DCN: variants seen among roughly 807,000 people sequenced by gnomAD.
DCN encodes bone proteoglycan II.
DCN carries 17 observed loss-of-function variants against 36.5 expected under a neutral mutation model. That is an observed-to-expected ratio of 0.47 (90% CI 0.32 to 0.70). The LOEUF is 0.70. Among genes scored for constraint, DCN ranks in the 30% least tolerant of loss-of-function variants. The pLI is 0.04. For missense variants in DCN, 389 were observed against 430.1 expected (o/e 0.90, Z 0.84); for synonymous variants, 163 against 161.4 (o/e 1.01, Z -0.07).
At chr12:91,148,086 T>C (rs1156823981) in intron 7 of DCN, among the ~76,000 whole-genome samples, 3 of 151,786 alleles carry the variant, frequency 2.0e-5, no homozygotes, top group African/African-American at 7.3e-5. Context: ...TTTTTTTTTT[T>C]TTTCTGAGAC....
In DCN at chr12:91,158,512, G is replaced by A. The variant is rs1317852445; in HGVS notation, c.325-3C>T. ...TTATTGTTGACAAGAATCAATGCCTGTAGATAGTGAAGAAAAACATCTCTT... is the reference window on the plus strand; with the variant it reads ...TTATTGTTGACAAGAATCAATGCCTATAGATAGTGAAGAAAAACATCTCTT... On this transcript the variant is annotated splice_polypyrimidine_tract_variant and splice_region_variant and intron_variant, in intron 3 of 7. Transcript: ENST00000052754. The A allele has an allele frequency of 3.3e-5, 49 of 1,471,340 alleles. No individual in the cohort carries two copies. The highest frequency in any genetic ancestry group is 4.6e-5 in the Non-Finnish European group (48 of 1,050,012). 91.1% of individuals were successfully genotyped at this position (1,471,340 alleles called of 1,614,324 possible).
At chr12:91,157,007 A>ATT (rs60125162) in intron 5 of DCN, 68 bp downstream of exon 5, 25 of 983,450 alleles carry the variant, frequency 2.5e-5, no homozygotes, top group African/African-American at 9.9e-5. Flanking sequence ...TTTCCACAAG[A>ATT]TTTTTTTTTT....
chr12:91,175,381 T>C lies in DCN; in HGVS notation c.211+2961A>G, dbSNP rs1883230161. On this transcript the variant is annotated intron_variant, in intron 2 of 7. Coordinates refer to ENST00000052754, the MANE Select transcript of DCN (RefSeq NM_001920.5). ...ACGTGTTAATACTACTGTGATAAAT[T>C]AGAATTAGGGACTAAAACAGTCCAT... The C allele has an allele frequency of 2.0e-5, 3 of 151,626 alleles. No individual in the cohort carries two copies. In the South Asian group the frequency reaches 6.2e-4, roughly 32 times the overall value. The allele number at this position is 151,626 out of a possible 1,614,324, so 9.4% of individuals were successfully genotyped here. A position where few individuals can be genotyped will look rare whatever the true frequency, so the allele number is the denominator to read the frequency against.
chr12:91,178,917 C>T (rs995348399), intron 1 of DCN, among the ~76,000 whole-genome samples: 2 of 152,118 alleles, frequency 1.3e-5, no homozygotes, highest in Admixed American at 1.3e-4. Flanking sequence ...TCAATGCTCA[C>T]TTAACACATG....
At chr12:91,164,949 C>T (rs1056785872) in intron 2 of DCN, among the ~76,000 whole-genome samples, 2 of 152,080 alleles carry the variant, frequency 1.3e-5, no homozygotes, top group Admixed American at 1.3e-4. Context: ...TGATATTTTC[C>T]TCATGGAATT....
chr12:91,168,297 A>G (rs533577630), intron 2 of DCN, among the ~76,000 whole-genome samples: 1 of 152,254 alleles, frequency 6.6e-6, no homozygotes, highest in East Asian at 1.9e-4. Context: ...CCATTCTAAC[A>G]ATCCCTTGAA....
intron 2 of DCN, chr12:91,176,784 T>C (rs1345619296): frequency 6.6e-6 from 1 of 152,188 alleles, no homozygotes; most frequent in Non-Finnish European, 1.5e-5. Flanking sequence ...AAGTGAAATT[T>C]AATTCGCATT....
intron 7 of DCN, among the ~76,000 whole-genome samples, chr12:91,146,510 C>CT (rs1881035235): frequency 6.6e-6 from 1 of 151,926 alleles, no homozygotes; most frequent in African/African-American, 2.4e-5. Context: ...GCACACACAC[C>CT]ATGCCCGGCT....
At chr12:91,160,422 A>G (rs1882085889) in intron 3 of DCN, among the ~76,000 whole-genome samples, 1 of 151,992 alleles carries the variant, frequency 6.6e-6, no homozygotes, top group Non-Finnish European at 1.5e-5. Flanking sequence ...TTTTCTCCAA[A>G]GCCATTTATG....
intron 2 of DCN, chr12:91,176,232 C>CA (rs1883279979): frequency 6.6e-6 from 1 of 151,764 alleles, no homozygotes; most frequent in African/African-American, 2.4e-5. Context: ...TGCATGAGAC[C>CA]ACTGCTCATT....
At chr12:91,178,621 C>T in intron 1 of DCN, 36 bp from the exon 2 acceptor site, 1 of 1,279,874 alleles carries the variant, frequency 7.8e-7, no homozygotes, top group Non-Finnish European at 1.1e-6. Context: ...AAGAGTAGCA[C>T]TGCCTAATCT....
chr12:91,163,213 T>C (rs1458150492), intron 3 of DCN, among the ~76,000 whole-genome samples: 2 of 152,240 alleles, frequency 1.3e-5, no homozygotes, highest in Non-Finnish European at 2.9e-5. Context: ...AAACAATGCA[T>C]TTACTGTTAC....
In DCN at chr12:91,143,514, T is replaced by A. The variant is rs1227161317; in HGVS notation, c.*2544A>T. ...ACATAAGAATTTCCCTTGAAATGAT[T>A]ATAGCTCGAACTGTGTGCCTGTAAT... On this transcript the variant is annotated 3_prime_UTR_variant, in exon 8 of 8. Transcript: ENST00000052754. 1.3e-5 allele frequency: 2 copies of A among 152,156 alleles called. No individual in the cohort carries two copies. The highest frequency in any genetic ancestry group is 1.5e-5 in the Non-Finnish European group (1 of 68,024). 9.4% of individuals were successfully genotyped at this position (152,156 alleles called of 1,614,324 possible). A position where few individuals can be genotyped will look rare whatever the true frequency, so the allele number is the denominator to read the frequency against.
At chr12:91,160,686 T>G (rs1206891955) in intron 3 of DCN, among the ~76,000 whole-genome samples, 1 of 152,144 alleles carries the variant, frequency 6.6e-6, no homozygotes, top group South Asian at 2.1e-4. Context: ...GTACTAAGAA[T>G]AGTGCCTAGT....
chr12:91,170,074 A>G (rs955145980), intron 2 of DCN, among the ~76,000 whole-genome samples: 13 of 151,776 alleles, frequency 8.6e-5, no homozygotes, highest in African/African-American at 1.7e-4. Context: ...AAAAAAAAAA[A>G]AAAAGAAAAA....
intron 2 of DCN, among the ~76,000 whole-genome samples, chr12:91,171,354 G>A (rs1882941909): frequency 6.6e-6 from 1 of 152,092 alleles, no homozygotes; most frequent in African/African-American, 2.4e-5. Context: ...GTATATAAAT[G>A]TAAGTAAATA....
chr12:91,169,214 T>A (rs1321136070), intron 2 of DCN, among the ~76,000 whole-genome samples: 1 of 151,440 alleles, frequency 6.6e-6, no homozygotes, highest in African/African-American at 2.4e-5. Context: ...CTGGGCAACA[T>A]AGCAAGACCC....
intron 5 of DCN, among the ~76,000 whole-genome samples, chr12:91,156,028 C>G (rs571699623): frequency 7.0e-4 from 106 of 152,108 alleles, no homozygotes; most frequent in Non-Finnish European, 1.2e-3. Context: ...AAGGGACAGA[C>G]TGAGGGGAAA....
intron 7 of DCN, among the ~76,000 whole-genome samples, chr12:91,148,273 C>T (rs1881167328): frequency 6.6e-6 from 1 of 151,890 alleles, no homozygotes; most frequent in African/African-American, 2.4e-5. Context: ...GGGGGTTTCA[C>T]CATGTTAGCC....
Sources: gnomAD v4.1 joint callset for allele counts (sites outside exome capture counted in the v4.1 genomes callset) on GRCh38, gnomAD v4.1.1 for gene constraint, MANE v1.5 for transcripts, NCBI Gene and HGNC (gene_info 2026-07-23, HGNC 2026-07-21) for gene names.